The following LRRC7 variants were observed in gnomAD, a reference collection of about 807,000 sequenced individuals.
The protein encoded by LRRC7 is leucine-rich repeat-containing protein 7.
A neutral mutation model predicts 175.7 loss-of-function variants in LRRC7; 23 were observed. That is an observed-to-expected ratio of 0.13 (90% CI 0.09 to 0.19). LRRC7 has a LOEUF of 0.19. LRRC7 is among the 10% of genes least tolerant of loss of function. The pLI, the probability that LRRC7 is intolerant of heterozygous loss-of-function variation, is 1.00. For missense variants in LRRC7, 1,354 were observed against 1,904.7 expected, an observed-to-expected ratio of 0.71 and a Z score of 5.38; for synonymous variants, 685 against 680.9, an observed-to-expected ratio of 1.01 and a Z score of -0.09.
At chr1:69,816,679 T>C (rs1678637384) in intron 4 of LRRC7, among the ~76,000 whole-genome samples, 2 of 152,168 alleles carry the variant, frequency 1.3e-5, no homozygotes, top group Admixed American at 6.5e-5. Context: ...AAAAAATAAC[T>C]ATTTTTTCAA....
At chr1:69,640,625 A>G (rs1654063117) in intron 1 of LRRC7, among the ~76,000 whole-genome samples, 1 of 146,224 alleles carries the variant, frequency 6.8e-6, no homozygotes, top group Non-Finnish European at 1.5e-5. Context: ...GGAGGACTGA[A>G]TTTCTCTTTT....
intron 8 of LRRC7, among the ~76,000 whole-genome samples, chr1:69,974,605 A>G (rs1652622480): frequency 6.6e-6 from 1 of 152,194 alleles, no homozygotes; most frequent in Admixed American, 6.5e-5. Context: ...AATGTAAGCC[A>G]TTTAGTTAAA....
intron 8 of LRRC7, among the ~76,000 whole-genome samples, chr1:69,933,720 G>A (rs7520980): frequency 0.022 from 3,384 of 152,272 alleles, 109 homozygotes; most frequent in African/African-American, 0.078. Flanking sequence ...ATGAATATGT[G>A]TGAATCGGTA....
intron 4 of LRRC7, among the ~76,000 whole-genome samples, chr1:69,812,127 C>G (rs2101147569): frequency 6.6e-6 from 1 of 152,138 alleles, no homozygotes; most frequent in Admixed American, 6.6e-5. Flanking sequence ...ATAGTCAACC[C>G]TGGTTGTGCT....
chr1:69,682,635 C>G (rs1204829380), intron 2 of LRRC7, among the ~76,000 whole-genome samples: 3 of 152,090 alleles, frequency 2.0e-5, no homozygotes, highest in Non-Finnish European at 4.4e-5. Context: ...AAGGAACCAT[C>G]TATGAACCAG....
intron 8 of LRRC7, among the ~76,000 whole-genome samples, chr1:69,964,591 A>T (rs1323829993): frequency 2.0e-5 from 3 of 152,164 alleles, no homozygotes; most frequent in Admixed American, 2.0e-4. Context: ...AGCTTCTAGG[A>T]TCTTATATGT....
chr1:69,727,223 G>A (rs1442577989), intron 2 of LRRC7, among the ~76,000 whole-genome samples: 1 of 152,164 alleles, frequency 6.6e-6, no homozygotes, highest in East Asian at 1.9e-4. Flanking sequence ...GCCATTAGTG[G>A]CCAACCTTCT....
chr1:70,072,918 A>G (rs1279424270), intron 23 of LRRC7, among the ~76,000 whole-genome samples: 1 of 152,170 alleles, frequency 6.6e-6, no homozygotes, highest in African/African-American at 2.4e-5. Flanking sequence ...TTTTCAATTC[A>G]TGGTTCAACT....
At chr1:69,716,089 C>A in intron 2 of LRRC7, 1 of 407,594 alleles carries the variant, frequency 2.5e-6, no homozygotes, top group South Asian at 1.2e-4. Flanking sequence ...ATGCATTTGT[C>A]AATTTATAAT....
intron 8 of LRRC7, among the ~76,000 whole-genome samples, chr1:69,933,103 G>A (rs1466094567): frequency 6.6e-6 from 1 of 152,182 alleles, no homozygotes; most frequent in African/African-American, 2.4e-5. Flanking sequence ...GCCCTCACCA[G>A]CCATGACCTC....
chr1:69,831,009 A>T (rs1263701793), intron 5 of LRRC7, among the ~76,000 whole-genome samples: 1 of 151,968 alleles, frequency 6.6e-6, no homozygotes, highest in Non-Finnish European at 1.5e-5. Context: ...TTACCAAAGA[A>T]GAAGCAAAAA....
At chr1:69,904,354 TTAAAAG>T (rs1477977286) in intron 7 of LRRC7, among the ~76,000 whole-genome samples, 1 of 152,038 alleles carries the variant, frequency 6.6e-6, no homozygotes, top group Non-Finnish European at 1.5e-5. Flanking sequence ...TCTGAAGTAA[TTAAAAG>T]TAAAAGAAAC....
intron 4 of LRRC7, among the ~76,000 whole-genome samples, chr1:69,817,037 T>C (rs1000469497): frequency 1.3e-5 from 2 of 152,110 alleles, no homozygotes; most frequent in African/African-American, 4.8e-5. Context: ...ATATATTATA[T>C]GTGTAGATAA....
chr1:69,843,246 G>T (rs192761448), intron 7 of LRRC7, among the ~76,000 whole-genome samples: 1 of 151,784 alleles, frequency 6.6e-6, no homozygotes, highest in Non-Finnish European at 1.5e-5. Context: ...GCATCAAAAA[G>T]AGGGACCTCC....
intron 5 of LRRC7, among the ~76,000 whole-genome samples, chr1:69,832,684 C>T (rs1680662318): frequency 6.6e-6 from 1 of 152,082 alleles, no homozygotes; most frequent in South Asian, 2.1e-4. Flanking sequence ...TAAACATAGA[C>T]TTGCATTCCC....
chr1:69,949,677 T>C (rs1159368518), intron 8 of LRRC7, among the ~76,000 whole-genome samples: 1 of 152,094 alleles, frequency 6.6e-6, no homozygotes, highest in Non-Finnish European at 1.5e-5. Flanking sequence ...TTTGGTATTT[T>C]AACAATGCCA....
chr1:69,745,589 C>A (rs1384580172), intron 2 of LRRC7, among the ~76,000 whole-genome samples: 1 of 151,780 alleles, frequency 6.6e-6, no homozygotes, highest in Admixed American at 6.6e-5. Flanking sequence ...CATATCACAA[C>A]AGAATATTTC....
At chr1:70,107,991 G>T (rs531061890) in intron 26 of LRRC7, among the ~76,000 whole-genome samples, 165 bp downstream of exon 26, 57 of 151,994 alleles carry the variant, frequency 3.8e-4, no homozygotes, top group Non-Finnish European at 7.1e-4. Flanking sequence ...AAACAATTCA[G>T]TCTGACAAAT....
intron 7 of LRRC7, among the ~76,000 whole-genome samples, chr1:69,879,211 TTAAAAAAA>T (rs1436039147): frequency 1.9e-5 from 1 of 53,424 alleles, no homozygotes; most frequent in East Asian, 6.9e-4. Context: ...TAAAACTGCT[TTAAAAAAA>T]AAAAAAAAAA....
Sources: gnomAD v4.1 joint callset for allele counts (sites outside exome capture counted in the v4.1 genomes callset) on GRCh38, gnomAD v4.1.1 for gene constraint, MANE v1.5 for transcripts, NCBI Gene and HGNC (gene_info 2026-07-23, HGNC 2026-07-21) for gene names.